XKR9: variants seen among roughly 807,000 people sequenced by gnomAD.
XKR9 encodes the protein XK-related protein 9.
In XKR9, 32 loss-of-function variants were observed where a neutral mutation model predicts 32.0. That is an observed-to-expected ratio of 1.00 (90% CI 0.76 to 1.34). The LOEUF is 1.34. Among genes scored for constraint, XKR9 ranks in the 40% most tolerant of loss-of-function variants. The probability of loss-of-function intolerance (pLI) is 0.00; values close to 1 mark genes in which losing one functional copy is unlikely to be tolerated. For synonymous variants in XKR9, 168 were observed against 143.4 expected, an observed-to-expected ratio of 1.17 and a Z score of -1.22; for missense variants, 546 against 429.7, an observed-to-expected ratio of 1.27 and a Z score of -2.39.
At chr8:70,750,143 A>G (rs770987641) in intron 2 of XKR9, among the ~76,000 whole-genome samples, 1 of 152,092 alleles carries the variant, frequency 6.6e-6, no homozygotes, top group Non-Finnish European at 1.5e-5. Flanking sequence ...TGTTGCTTTA[A>G]GGTTAAACAA....
intron 2 of XKR9, among the ~76,000 whole-genome samples, chr8:70,782,211 C>T (rs1432660035): frequency 6.6e-6 from 1 of 152,144 alleles, no homozygotes; most frequent in African/African-American, 2.4e-5. Context: ...CTTTGCTATT[C>T]TCGGGTTTAG....
At chr8:70,788,104 C>T (rs1380454213) in intron 2 of XKR9, among the ~76,000 whole-genome samples, 1 of 152,028 alleles carries the variant, frequency 6.6e-6, no homozygotes, top group Non-Finnish European at 1.5e-5. Flanking sequence ...AGTGGTAAGA[C>T]CAGCTGACCA....
chr8:70,848,585 T>C, the XKR9 span, among the ~76,000 whole-genome samples: 1 of 151,320 alleles, frequency 6.6e-6, no homozygotes, highest in Non-Finnish European at 1.5e-5. Context: ...ATAAATACAG[T>C]AAAGTTACAA....
At chr8:70,716,106 T>TA (rs1307075013) in intron 4 of XKR9, among the ~76,000 whole-genome samples, 8 of 151,930 alleles carry the variant, frequency 5.3e-5, no homozygotes, top group Non-Finnish European at 1.2e-4. Context: ...AATGGTGTTC[T>TA]AAAAAACCAG....
intron 1 of XKR9, chr8:70,670,699 G>A (rs1023688272): frequency 3.3e-5 from 5 of 152,054 alleles, no homozygotes; most frequent in African/African-American, 1.2e-4. Context: ...TCACACAGTT[G>A]TACTTTTAAT....
chr8:71,003,996 A>C, the XKR9 span, among the ~76,000 whole-genome samples: 1 of 151,806 alleles, frequency 6.6e-6, no homozygotes, highest in African/African-American at 2.4e-5. Flanking sequence ...GGTGAAGATA[A>C]AGAAGGGCAT....
the XKR9 span, among the ~76,000 whole-genome samples, chr8:70,809,315 C>T: frequency 6.6e-6 from 1 of 152,054 alleles, no homozygotes; most frequent in African/African-American, 2.4e-5. Context: ...CATCAAAGAC[C>T]AAAGGTAGAT....
chr8:71,022,802 G>A, the XKR9 span, among the ~76,000 whole-genome samples: 4 of 152,060 alleles, frequency 2.6e-5, no homozygotes, highest in African/African-American at 4.8e-5. Context: ...TCATTCTTTT[G>A]TTTTTAGTCT....
the XKR9 span, among the ~76,000 whole-genome samples, chr8:70,874,164 C>T: frequency 6.6e-6 from 1 of 152,030 alleles, no homozygotes; most frequent in Non-Finnish European, 1.5e-5. Context: ...CACAGGGAAA[C>T]CAAGAAGTTT....
the XKR9 span, among the ~76,000 whole-genome samples, chr8:70,841,238 C>A: frequency 6.6e-6 from 1 of 151,974 alleles, no homozygotes; most frequent in African/African-American, 2.4e-5. Flanking sequence ...GATTTCTTAG[C>A]TTTTATTGAG....
the XKR9 span, among the ~76,000 whole-genome samples, chr8:70,806,795 A>G: frequency 2.6e-5 from 4 of 152,198 alleles, no homozygotes; most frequent in African/African-American, 7.2e-5. Flanking sequence ...TATTCACTAG[A>G]GTACCTGAAG....
chr8:70,906,954 T>C, the XKR9 span, among the ~76,000 whole-genome samples: 1 of 152,202 alleles, frequency 6.6e-6, no homozygotes, highest in Non-Finnish European at 1.5e-5. Flanking sequence ...GCATAGTTTG[T>C]ATAACTACCA....
intron 2 of XKR9, among the ~76,000 whole-genome samples, chr8:70,677,312 AT>A (rs1818918458): frequency 6.6e-6 from 1 of 150,666 alleles, no homozygotes; most frequent in Non-Finnish European, 1.5e-5. Context: ...TGCCTGGCTA[AT>A]TTTTGTATTT....
At chr8:70,962,611 A>T in the XKR9 span, among the ~76,000 whole-genome samples, 9 of 152,302 alleles carry the variant, frequency 5.9e-5, no homozygotes, top group South Asian at 6.2e-4. Flanking sequence ...TCCACCACTG[A>T]TGGGCACCTA....
At chr8:70,746,937 A>T (rs1006575847) in intron 2 of XKR9, among the ~76,000 whole-genome samples, 4 of 152,064 alleles carry the variant, frequency 2.6e-5, no homozygotes, top group African/African-American at 9.7e-5. Context: ...CCCTTTTGGA[A>T]TCCCCAGTGT....
At chr8:70,873,280 A>G in the XKR9 span, among the ~76,000 whole-genome samples, 1 of 152,198 alleles carries the variant, frequency 6.6e-6, no homozygotes, top group African/African-American at 2.4e-5. Flanking sequence ...CAGTCTATGG[A>G]TCAAGGAGTA....
chr8:70,907,119 G>A, the XKR9 span, among the ~76,000 whole-genome samples: 16 of 152,054 alleles, frequency 1.1e-4, no homozygotes, highest in Non-Finnish European at 1.6e-4. Flanking sequence ...GCTTCAAAAT[G>A]GATGTGTAAA....
chr8:71,028,676 A>G, the XKR9 span, among the ~76,000 whole-genome samples: 1 of 152,216 alleles, frequency 6.6e-6, no homozygotes, highest in Admixed American at 6.5e-5. Flanking sequence ...GCTTTATTTA[A>G]TCATTTCATA....
At chr8:71,003,015 T>C in the XKR9 span, among the ~76,000 whole-genome samples, 3,047 of 152,312 alleles carry the variant, frequency 0.02, 99 homozygotes, top group African/African-American at 0.069. Context: ...TGTTCAGCAC[T>C]GCACTTCAAA....
Sources: gnomAD v4.1 joint callset for allele counts (sites outside exome capture counted in the v4.1 genomes callset) on GRCh38, gnomAD v4.1.1 for gene constraint, MANE v1.5 for transcripts, NCBI Gene and HGNC (gene_info 2026-07-23, HGNC 2026-07-21) for gene names.